NPHP4: variants seen among roughly 807,000 people sequenced by gnomAD.
The protein encoded by NPHP4 is nephrocystin 4.
In NPHP4, 151 loss-of-function variants were observed where a neutral mutation model predicts 155.8. That is an observed-to-expected ratio of 0.97 (90% CI 0.85 to 1.11). NPHP4 has a LOEUF of 1.11. NPHP4 is among the 50% of genes least tolerant of loss of function. The probability of loss-of-function intolerance (pLI) is 0.00; values close to 1 mark genes in which losing one functional copy is unlikely to be tolerated. For synonymous variants in NPHP4, 845 were observed against 816.8 expected, an observed-to-expected ratio of 1.03 and a Z score of -0.59; for missense variants, 1,956 against 1,925.7, an observed-to-expected ratio of 1.02 and a Z score of -0.29.
At chr1:5,880,472 C>A in intron 18 of NPHP4, 1 of 520,752 alleles carries the variant, frequency 1.9e-6, no homozygotes, top group South Asian at 2.3e-5. Flanking sequence ...GTGGCAGCCT[C>A]CGTTTCCTGG....
chr1:5,905,829 C>T lies in NPHP4; in HGVS notation c.1612-46G>A, dbSNP rs1164464527. On this transcript the variant is annotated intron_variant, in intron 13 of 29. Transcript: ENST00000378156. The surrounding 1 kb of genome is among the most constrained non-coding windows in gnomAD (Gnocchi z 4.0). Reference sequence around the variant, plus strand: ...CAAGTGAGGCCACCAAGGACCCCAACCCGTAACAACCAACGGTGCTCAGAT... The same window carrying T: ...CAAGTGAGGCCACCAAGGACCCCAATCCGTAACAACCAACGGTGCTCAGAT... The T allele has an allele frequency of 1.3e-6, 2 of 1,555,692 alleles. No individual in the cohort carries two copies. Among genetic ancestry groups the T allele is most frequent in the Non-Finnish European group, 1.7e-6 (2 of 1,146,714 alleles).
intron 11 of NPHP4, among the ~76,000 whole-genome samples, chr1:5,917,175 GC>G (rs532568047): frequency 1.3e-5 from 2 of 151,734 alleles, no homozygotes; most frequent in Non-Finnish European, 2.9e-5. Context: ...GTCAGGGGTG[GC>G]CCCAACCCCC....
rs201801114 is a variant in NPHP4, at chr1:5,909,177, G to C, written c.1478C>G (p.Pro493Arg). The change falls in exon 12 of 30, where the codon CCG becomes CGG. Residue 493 changes from proline (P) to arginine (R), a missense_variant. Pro to Arg is a moderately radical substitution (Grantham distance 103). Coordinates refer to ENST00000378156, the MANE Select transcript of NPHP4 (RefSeq NM_015102.5). The stretch of plus-strand genomic sequence containing the variant: ...CCCTGGTCCCACAGGTGAGTTCTGC[G>C]GGGCAGCGAGAACTCGAGGTACTGG... The part of the protein sequence containing the change: ...PAPVPRVLAA[P>R]QNSPVGPGLS... 1 of 1,602,958 alleles carries C rather than the reference G, an allele frequency of 6.2e-7. No individual in the cohort carries two copies.
intron 23 of NPHP4, chr1:5,868,172 T>G (rs1641466852): frequency 1.7e-5 from 9 of 526,986 alleles, no homozygotes; most frequent in South Asian, 1.7e-4. Context: ...ACAGCACACT[T>G]CTTAAATGCC....
At chr1:5,897,722 C>A (rs1166022218) in intron 16 of NPHP4, among the ~76,000 whole-genome samples, 1 of 151,880 alleles carries the variant, frequency 6.6e-6, no homozygotes, top group Non-Finnish European at 1.5e-5. Context: ...CGGGCTGGAT[C>A]CCAGATCAAA....
rs1418799945 is a variant in NPHP4, at chr1:5,910,974, GCCCATTTGGCCCGCGCAGCT to G, written c.1442-1781_1442-1762del. Among the ~76,000 whole-genome samples, 1 of 152,218 alleles carries G rather than the reference GCCCATTTGGCCCGCGCAGCT, an allele frequency of 6.6e-6. No homozygotes were observed. Among genetic ancestry groups the G allele is most frequent in the Non-Finnish European group, 1.5e-5 (1 of 68,034 alleles). On this transcript the variant is annotated intron_variant, in intron 11 of 29. Coordinates refer to ENST00000378156, the MANE Select transcript of NPHP4 (RefSeq NM_015102.5). The surrounding 1 kb of genome is among the most constrained non-coding windows in gnomAD (Gnocchi z 5.4). ...CCAGTCCAACTACCTCCTGGGCAGC[GCCCATTTGGCCCGCGCAGCT>G]CCTCTGTAACCAGCCACAGTAACGT...
chr1:5,873,419 C>T (rs1309382043), intron 22 of NPHP4, 84 bp from the exon 23 acceptor site: 19 of 1,102,160 alleles, frequency 1.7e-5, no homozygotes, highest in Admixed American at 7.3e-5. Flanking sequence ...CCACTGCCAC[C>T]CAGCTGGGAG....
chr1:5,951,651 C>T (rs1648084290), intron 7 of NPHP4, among the ~76,000 whole-genome samples: 1 of 152,238 alleles, frequency 6.6e-6, no homozygotes. Flanking sequence ...GGCGGACAGA[C>T]CTCATTCCAA....
intron 11 of NPHP4, among the ~76,000 whole-genome samples, chr1:5,913,715 G>A (rs11120772): frequency 0.42 from 63,626 of 152,072 alleles, 13,935 homozygotes; most frequent in East Asian, 0.75. Context: ...AAGAGAGACA[G>A]GCATGCCCTC....
In NPHP4 at chr1:5,890,831, AGCACCCACT is replaced by A; in HGVS notation, c.2304+28_2304+36del. The A allele has an allele frequency of 6.3e-7, 1 of 1,585,188 alleles. No individual in the cohort carries two copies. Among genetic ancestry groups the A allele is most frequent in the Non-Finnish European group, 8.6e-7 (1 of 1,159,966 alleles). On this transcript the variant is annotated intron_variant, in intron 17 of 29. Transcript: ENST00000378156. The surrounding 1 kb of genome is among the most constrained non-coding windows in gnomAD (Gnocchi z 4.9). ...GCGTGACTCGTCCCATGAGGGACGC[AGCACCCACT>A]GTGCCTGTCCTTCCAGAGAGCCGCT...
Position 5,941,943 on chromosome 1 carries a change from C to T in NPHP4, c.1119+5161G>A, listed in dbSNP as rs1335717749. Among the ~76,000 whole-genome samples the T allele has an allele frequency of 2.6e-5, 4 of 152,198 alleles. 1 individual carries two copies. Among genetic ancestry groups the T allele is most frequent in the Admixed American group, 1.3e-4 (2 of 15,280 alleles). On this transcript the variant is annotated intron_variant, in intron 9 of 29. Transcript: ENST00000378156. ...CTCCTCCTCCTGCAGGAAGCATAAA[C>T]GACGCCAACCCAAGGGGGACAATCG...
intron 18 of NPHP4, chr1:5,886,793 G>C: frequency 6.5e-6 from 1 of 153,936 alleles, no homozygotes; most frequent in East Asian, 1.9e-4. Context: ...TGGACGTGGA[G>C]TGAAGTCCAG....
At chr1:5,965,172 A>G (rs2102200363) in intron 5 of NPHP4, among the ~76,000 whole-genome samples, 1 of 151,910 alleles carries the variant, frequency 6.6e-6, no homozygotes, top group South Asian at 2.1e-4. Flanking sequence ...GCCTTAAGCA[A>G]TCTGCCCACC....
chr1:5,981,250 A>G (rs989323228), intron 2 of NPHP4, among the ~76,000 whole-genome samples: 3 of 152,118 alleles, frequency 2.0e-5, no homozygotes, highest in Non-Finnish European at 2.9e-5. Context: ...GCTTCTTTCC[A>G]GAATGCCAGA....
intron 16 of NPHP4, among the ~76,000 whole-genome samples, chr1:5,902,544 C>T (rs140210006): frequency 6.0e-4 from 92 of 152,324 alleles, no homozygotes; most frequent in African/African-American, 2.2e-3. Context: ...TGGTGCCCAA[C>T]TGTTTGGTTG....
At chr1:5,899,628 A>C (rs1644572499) in intron 16 of NPHP4, among the ~76,000 whole-genome samples, 1 of 152,222 alleles carries the variant, frequency 6.6e-6, no homozygotes, top group Non-Finnish European at 1.5e-5. Flanking sequence ...AATGGATCAC[A>C]GACCTAAATG....
intron 11 of NPHP4, among the ~76,000 whole-genome samples, chr1:5,911,253 C>T (rs550828539): frequency 3.3e-4 from 50 of 152,304 alleles, no homozygotes; most frequent in African/African-American, 1.2e-3. Context: ...GAGCTCCGTA[C>T]GGCAAACCCC....
chr1:5,865,024 G>A, intron 27 of NPHP4, 78 bp downstream of exon 27: 1 of 1,448,284 alleles, frequency 6.9e-7, no homozygotes, highest in Non-Finnish European at 9.7e-7. Flanking sequence ...CACCCACTGT[G>A]CTCCAGCTGA....
rs1570657245 is a variant in NPHP4, at chr1:5,962,567, G to A, written c.518-618C>T. 4.6e-5 allele frequency among the ~76,000 whole-genome samples: 7 copies of A among 152,368 alleles called. 1 individual carries two copies. The South Asian group carries it at 1.0e-3, about 23-fold the overall frequency. ...CCAAACGGAGGAGGGCAGCACTGGAGGGAGGCCAGCAGCATCAGAGACAGA... is the reference window on the plus strand; with the variant it reads ...CCAAACGGAGGAGGGCAGCACTGGAAGGAGGCCAGCAGCATCAGAGACAGA... On this transcript the variant is annotated intron_variant, in intron 5 of 29. Coordinates refer to ENST00000378156, the MANE Select transcript of NPHP4 (RefSeq NM_015102.5).
Sources: gnomAD v4.1 joint callset for allele counts (sites outside exome capture counted in the v4.1 genomes callset) on GRCh38, gnomAD v4.1.1 for gene constraint, Gnocchi (gnomAD v3.1) non-coding constraint, MANE v1.5 for transcripts, NCBI Gene and HGNC (gene_info 2026-07-23, HGNC 2026-07-21) for gene names.